The following TSPAN11 variants were observed in gnomAD, a reference collection of about 807,000 sequenced individuals.
The protein encoded by TSPAN11 is tetraspanin-11.
TSPAN11 carries 29 observed loss-of-function variants against 32.9 expected under a neutral mutation model. The ratio of observed to expected loss-of-function variants is 0.88; its 90% CI spans 0.66 to 1.20. The LOEUF is 1.20. Ranked by LOEUF, TSPAN11 falls within the 50% of genes most tolerant of loss-of-function variation. The pLI is 0.00. For synonymous variants in TSPAN11, 140 were observed against 141.3 expected (o/e 0.99, Z 0.07); for missense variants, 283 against 329.1 (o/e 0.86, Z 1.08).
intron 1 of TSPAN11, among the ~76,000 whole-genome samples, chr12:30,948,554 G>C (rs534114430): frequency 1.3e-5 from 2 of 152,328 alleles, no homozygotes; most frequent in Non-Finnish European, 2.9e-5. Flanking sequence ...TGAAGCCACA[G>C]CCCGAGCTTT....
the TSPAN11 span, among the ~76,000 whole-genome samples, chr12:31,009,807 C>T: frequency 3.9e-5 from 6 of 152,206 alleles, no homozygotes; most frequent in African/African-American, 7.2e-5. Context: ...TAACGGGCCG[C>T]GTCATCCTGG....
chr12:31,004,300 A>G, the TSPAN11 span, among the ~76,000 whole-genome samples: 2 of 152,294 alleles, frequency 1.3e-5, no homozygotes, highest in South Asian at 4.2e-4. Flanking sequence ...TGTGCATGCC[A>G]TGACTCCAGC....
At position 30,955,394 on chromosome 12, in the gene TSPAN11, A is replaced by T. The variant is rs371819196; in HGVS notation, c.84+1319A>T. 56 of 152,340 alleles carry T rather than the reference A, an allele frequency of 3.7e-4. 1 individual carries two copies. Among genetic ancestry groups the T allele is most frequent in the African/African-American group, 1.3e-3 (54 of 41,584 alleles). The allele number at this position is 152,340 out of a possible 1,614,324, so 9.4% of individuals were successfully genotyped here. On this transcript the variant is annotated intron_variant, in intron 2 of 7. Coordinates refer to ENST00000546076, the MANE Select transcript of TSPAN11 (RefSeq NM_001370302.1). ...CATTCTGAGAGACAAATCCAATAGG[A>T]TGATTAGGATTCTTGCTAAGTAAGC...
chr12:30,942,192 AATC>A (rs1207928167), intron 1 of TSPAN11, among the ~76,000 whole-genome samples: 1 of 152,192 alleles, frequency 6.6e-6, no homozygotes, highest in African/African-American at 2.4e-5. Flanking sequence ...AGTTGGGTCT[AATC>A]ATTCCTTTAC....
intron 1 of TSPAN11, chr12:30,927,053 G>T (rs760748869): frequency 1.5e-5 from 19 of 1,270,214 alleles, no homozygotes; most frequent in South Asian, 5.1e-5. Flanking sequence ...ATAACTATGC[G>T]CATGAGTCTG....
At chr12:30,946,517 G>A (rs1312787138) in intron 1 of TSPAN11, among the ~76,000 whole-genome samples, 2 of 152,182 alleles carry the variant, frequency 1.3e-5, no homozygotes, top group African/African-American at 4.8e-5. Context: ...AACAGGCTCG[G>A]AGGGTTACCC....
rs1724445913 is a variant in TSPAN11, at chr12:30,926,795, G to A, written c.-13G>A. 5.4e-5 allele frequency: 21 copies of A among 389,730 alleles called. No individual in the cohort carries two copies. The highest frequency in any genetic ancestry group is 5.1e-4 in the South Asian group (21 of 40,836). 24.1% of individuals were successfully genotyped at this position (389,730 alleles called of 1,614,324 possible). ...TTCGCCGCTTCCGGAGCCCCTGGCA[G>A]GGTAAGTGCAGAAGCGCGCCCGAGG... On this transcript the variant is annotated splice_region_variant and 5_prime_UTR_variant, in exon 1 of 8. Coordinates refer to ENST00000546076, the MANE Select transcript of TSPAN11 (RefSeq NM_001370302.1).
chr12:31,002,923 C>T, the TSPAN11 span, among the ~76,000 whole-genome samples: 2 of 152,122 alleles, frequency 1.3e-5, no homozygotes, highest in Non-Finnish European at 2.9e-5. This position sits in a 1 kb window ranked among gnomAD's most constrained non-coding sequence, Gnocchi z 4.8. Context: ...GCTCCAGCTG[C>T]GGGCTGTGGG....
At position 30,978,115 on chromosome 12, in the gene TSPAN11, T is replaced by C. The variant is rs558178027; in HGVS notation, c.277-446T>C. ...CTTCACTTAGCAAATGCCTATTCAG[T>C]CCTTAAAGATGTTACTTAGGCGTCA... On this transcript the variant is annotated intron_variant, in intron 3 of 7. Coordinates refer to ENST00000546076, the MANE Select transcript of TSPAN11 (RefSeq NM_001370302.1). Among the ~76,000 whole-genome samples, 94 of 152,258 alleles carry C rather than the reference T, an allele frequency of 6.2e-4. 1 individual carries two copies. Among genetic ancestry groups the C allele is most frequent in the Admixed American group, 8.5e-4 (13 of 15,306 alleles).
In TSPAN11 at chr12:30,979,657, G is replaced by A. The variant is rs753095441; in HGVS notation, c.443G>A (p.Arg148Gln). The A allele has an allele frequency of 9.3e-6, 15 of 1,614,128 alleles. No individual in the cohort carries two copies. The highest frequency in any genetic ancestry group is 1.6e-4 in the Middle Eastern group (1 of 6,062). The change falls in exon 5 of 8, where the codon CGA (arginine) becomes CAA (glutamine). Residue 148 changes from arginine to glutamine, a missense_variant. Physicochemically the swap from Arg to Gln is conservative, Grantham distance 43. Coordinates refer to ENST00000546076, the MANE Select transcript of TSPAN11 (RefSeq NM_001370302.1). The stretch of plus-strand genomic sequence containing the variant: ...ACGCAGATCACCGCCTCAGTGGACC[G>A]ACTCCAGCAGGATGTAAGCCATGCC... ...GATQITASVD[R>Q]LQQDFKCCGS...
In TSPAN11 at chr12:30,972,807, G is replaced by A. The variant is rs79002826; in HGVS notation, c.277-5754G>A. Among the ~76,000 whole-genome samples, 724 of 151,912 alleles carry A rather than the reference G, an allele frequency of 4.8e-3. 9 individuals are homozygous for A. The highest frequency in any genetic ancestry group is 0.017 in the African/African-American group (690 of 41,428). ...CAAAGAGGAAAGCCGGCTGCGCAGGGGGGAGGTGGGGGGAGGGCCACCTAG... is the reference window on the plus strand; with the variant it reads ...CAAAGAGGAAAGCCGGCTGCGCAGGAGGGAGGTGGGGGGAGGGCCACCTAG... On this transcript the variant is annotated intron_variant, in intron 3 of 7. Transcript: ENST00000546076.
intron 2 of TSPAN11, among the ~76,000 whole-genome samples, chr12:30,959,431 C>G (rs1938564839): frequency 6.6e-6 from 1 of 152,130 alleles, no homozygotes; most frequent in Admixed American, 6.5e-5. Context: ...CCCTGAGGCC[C>G]ACAGAGGCTG....
At chr12:30,931,125 C>T (rs942715457) in intron 1 of TSPAN11, among the ~76,000 whole-genome samples, 2 of 152,066 alleles carry the variant, frequency 1.3e-5, no homozygotes, top group African/African-American at 4.8e-5. Context: ...TCAGCCCTAT[C>T]CTGGCTTAGG....
chr12:31,012,094 C>T, the TSPAN11 span, among the ~76,000 whole-genome samples: 1 of 152,246 alleles, frequency 6.6e-6, no homozygotes, highest in Admixed American at 6.5e-5. Context: ...CCGAAGCTGG[C>T]GGGACAGACA....
chr12:30,977,446 G>A (rs1408393788), intron 3 of TSPAN11, among the ~76,000 whole-genome samples: 2 of 152,222 alleles, frequency 1.3e-5, no homozygotes, highest in Admixed American at 1.3e-4. Context: ...CCAGGTGGGC[G>A]GGCAGTGCCC....
chr12:31,002,366 T>A, the TSPAN11 span, among the ~76,000 whole-genome samples: 4 of 152,190 alleles, frequency 2.6e-5, no homozygotes, highest in African/African-American at 9.7e-5. The surrounding 1 kb of genome is among the most constrained non-coding windows in gnomAD (Gnocchi z 4.8). Flanking sequence ...TCGTTCTTTA[T>A]GCCTGCCTCC....
chr12:30,927,469 G>C (rs1319383102), intron 1 of TSPAN11, among the ~76,000 whole-genome samples: 2 of 152,232 alleles, frequency 1.3e-5, no homozygotes, highest in East Asian at 1.9e-4. Flanking sequence ...ATGAAAGGGA[G>C]GCAGCCCAGT....
chr12:30,997,703 C>T (rs1172437468), downstream of TSPAN11, among the ~76,000 whole-genome samples: 1 of 152,156 alleles, frequency 6.6e-6, no homozygotes, highest in East Asian at 1.9e-4. Context: ...AGAACCAAAC[C>T]ATATCAGGCA....
the TSPAN11 span, among the ~76,000 whole-genome samples, chr12:31,009,562 G>A: frequency 6.6e-5 from 10 of 152,120 alleles, no homozygotes; most frequent in Non-Finnish European, 1.3e-4. Flanking sequence ...AGCAAGACAC[G>A]TTTTCAGCCC....
Sources: allele counts gnomAD v4.1 joint callset (sites outside exome capture counted in the v4.1 genomes callset), GRCh38; gene constraint gnomAD v4.1.1; non-coding constraint Gnocchi (gnomAD v3.1); transcripts MANE v1.5; gene names NCBI Gene and HGNC (gene_info 2026-07-23, HGNC 2026-07-21).